DAZL: variants seen among roughly 807,000 people sequenced by gnomAD.
DAZL encodes the protein deleted in azoospermia like, also known as deleted in azoospermia-like.
Under a neutral mutation model 45.0 loss-of-function variants are expected in DAZL, and 4 were observed. That is an observed-to-expected ratio of 0.09 (90% CI 0.04 to 0.20). The LOEUF (loss-of-function observed/expected upper bound fraction) is 0.20, where lower values mean the gene tolerates loss of function less well. Ranked by LOEUF, DAZL falls within the 10% of genes least tolerant of loss-of-function variation. The pLI, the probability that DAZL is intolerant of heterozygous loss-of-function variation, is 1.00. For synonymous variants in DAZL, 122 were observed against 112.4 expected (o/e 1.09, Z -0.54); for missense variants, 326 against 351.3 (o/e 0.93, Z 0.58).
intron 7 of DAZL, 62 bp downstream of exon 7, chr3:16,595,252 T>A: frequency 1.1e-6 from 1 of 940,768 alleles, no homozygotes; most frequent in Non-Finnish European, 1.6e-6. Context: ...ACAATTTGTA[T>A]AAACAAGTTA....
chr3:16,600,690 C>G (rs1694677403), intron 1 of DAZL, among the ~76,000 whole-genome samples: 1 of 152,146 alleles, frequency 6.6e-6, no homozygotes, highest in African/African-American at 2.4e-5. Context: ...GTAGTTTTTT[C>G]TCCTTTTCAA....
chr3:16,593,832 T>A, intron 8 of DAZL, 64 bp from the exon 9 acceptor site: 1 of 1,064,294 alleles, frequency 9.4e-7, no homozygotes, highest in Non-Finnish European at 1.4e-6. Context: ...AGCCACTTAT[T>A]CTTCAAAAAG....
At chr3:16,605,121 C>G in intron 1 of DAZL, 82 bp downstream of exon 1, 3 of 1,575,354 alleles carry the variant, frequency 1.9e-6, no homozygotes, top group Non-Finnish European at 2.6e-6. Flanking sequence ...GATGACTTCA[C>G]TTTCCGACCC....
chr3:16,590,453 T>C (rs946673294), intron 10 of DAZL, among the ~76,000 whole-genome samples: 3 of 152,212 alleles, frequency 2.0e-5, no homozygotes, highest in Non-Finnish European at 2.9e-5. Flanking sequence ...TCCTTTTGAA[T>C]GTAAAGTGTG....
Position 16,596,839 on chromosome 3 carries a change from G to A in DAZL, c.409C>T (p.Pro137Ser), listed in dbSNP as rs939185441. Residue 137 changes from proline (P) to serine (S), a missense_variant, in exon 6 of 11, where the codon CCA becomes TCA. By Grantham distance (74) the Pro-to-Ser change is moderately conservative. Around this residue, in one of 3 missense-constraint regions of DAZL, gnomAD observed 227 missense variants for 216.6 expected, o/e 1.05. Coordinates refer to ENST00000399444, the MANE Select transcript of DAZL (RefSeq NM_001351.4). ...RPLVFNHPPPPQFQNVWTNPN... is the reference protein window; with the variant it reads ...RPLVFNHPPPSQFQNVWTNPN... ...TTAGTCCAGACATTCTGAAACTGTG[G>A]TGGAGGAGGATGATTAAAAACCAAA... 6.2e-7 allele frequency: 1 copy of A among 1,613,880 alleles called. No homozygotes were observed. Among genetic ancestry groups the A allele is most frequent in the Admixed American group, 1.7e-5 (1 of 60,020 alleles).
Position 16,598,105 on chromosome 3 carries a change from C to A in DAZL, c.224G>T (p.Arg75Leu). ...SVKEVKIITD[R>L]TGVSKGYGFV... Reference sequence around the variant, plus strand: ...TACTCACCCTTTGGACACACCAGTTCGATCAGTGATTATCTTCACTTCTTT... The same window carrying A: ...TACTCACCCTTTGGACACACCAGTTAGATCAGTGATTATCTTCACTTCTTT... The change falls in exon 3 of 11, where the codon CGA becomes CTA. Residue 75 changes from arginine to leucine, a missense_variant. By Grantham distance (102) the Arg-to-Leu change is moderately radical (BLOSUM62 -2). Around this residue, in one of 3 missense-constraint regions of DAZL, gnomAD observed 81 missense variants for 89.6 expected, o/e 0.90. Coordinates refer to ENST00000399444, the MANE Select transcript of DAZL (RefSeq NM_001351.4). 6.3e-7 allele frequency: 1 copy of A among 1,595,652 alleles called. No individual in the cohort carries two copies. The highest frequency in any genetic ancestry group is 1.1e-5 in the South Asian group (1 of 90,850).
intron 9 of DAZL, among the ~76,000 whole-genome samples, chr3:16,593,407 A>C (rs942250869): frequency 1.3e-5 from 2 of 152,208 alleles, no homozygotes; most frequent in African/African-American, 4.8e-5. Context: ...TCCTGAGCTC[A>C]AGCAATCCAC....
chr3:16,597,180 A>C, intron 4 of DAZL, 129 bp from the exon 5 acceptor site: 1 of 1,175,710 alleles, frequency 8.5e-7, no homozygotes, highest in Non-Finnish European at 1.2e-6. Flanking sequence ...ACACCAAATT[A>C]AAATTTGTCA....
chr3:16,597,955 AC>A, intron 3 of DAZL, 131 bp downstream of exon 3: 1 of 984,888 alleles, frequency 1.0e-6, no homozygotes, highest in Non-Finnish European at 1.5e-6. Flanking sequence ...CTGGCAATAA[AC>A]TTTTATCCTC....
intron 1 of DAZL, chr3:16,604,392 C>T: frequency 1.4e-6 from 2 of 1,458,994 alleles, no homozygotes; most frequent in South Asian, 1.2e-5. Flanking sequence ...AAACCGTACC[C>T]AGAATTTAAA....
In DAZL at chr3:16,599,342, A is replaced by T. The variant is rs923454267; in HGVS notation, c.4-744T>A. Among the ~76,000 whole-genome samples the T allele has an allele frequency of 2.0e-5, 3 of 152,238 alleles. 1 individual carries two copies. The highest frequency in any genetic ancestry group is 4.4e-5 in the Non-Finnish European group (3 of 68,044). ...AACTCCAAAAAGCCACATCAAAAAG[A>T]AAATAAGCCTCAAAGTTTTAAACCA... On this transcript the variant is annotated intron_variant, in intron 1 of 10. Transcript: ENST00000399444.
At chr3:16,593,909 T>C (rs1406181498) in intron 8 of DAZL, 141 bp from the exon 9 acceptor site, 1 of 592,118 alleles carries the variant, frequency 1.7e-6, no homozygotes, top group African/African-American at 1.9e-5. Context: ...TCAAAAACTT[T>C]GTTTTAAATG....
Position 16,587,633 on chromosome 3 carries a change from T to C in DAZL, c.*1027A>G, listed in dbSNP as rs182358825. ...TTTTAACTCTAGCACATTCTTAAGA[T>C]ATACTTATTAAACAACTTTTGTGGT... is the stretch of plus-strand genomic sequence containing the variant. On this transcript the variant is annotated 3_prime_UTR_variant, in exon 11 of 11. Transcript: ENST00000399444. 112 of 152,814 alleles carry C rather than the reference T, an allele frequency of 7.3e-4. 1 individual carries two copies. The highest frequency in any genetic ancestry group is 1.2e-3 in the Admixed American group (18 of 15,288). The allele number at this position is 152,814 out of a possible 1,614,324, so 9.5% of individuals were successfully genotyped here. A position where few individuals can be genotyped will look rare whatever the true frequency, so the allele number is the denominator to read the frequency against.
In DAZL at chr3:16,590,666, A is replaced by T. The variant is rs1416531233; in HGVS notation, c.834+1384T>A. 9.2e-5 allele frequency among the ~76,000 whole-genome samples: 14 copies of T among 152,374 alleles called. No individual in the cohort carries two copies. The South Asian group carries it at 1.4e-3, about 16-fold the overall frequency. ...ACAGATGAATGGATAAACAGAATGA[A>T]TAATAGCCACAAATAAAAAGAAATG... On this transcript the variant is annotated intron_variant, in intron 10 of 10. Coordinates refer to ENST00000399444, the MANE Select transcript of DAZL (RefSeq NM_001351.4).
Position 16,605,375 on chromosome 3 carries a change from T to A in DAZL, c.-170A>T. 2 of 808,136 alleles carry A rather than the reference T, an allele frequency of 2.5e-6. No homozygotes were observed. The highest frequency in any genetic ancestry group is 4.2e-6 in the Non-Finnish European group (2 of 475,650). 50.1% of individuals were successfully genotyped at this position (808,136 alleles called of 1,614,324 possible). ...GAAAACCAAGAGCGGGTGACAAGGCTGAGGAGCCCCGAAAGGCGGACCGTC... is the reference window on the plus strand; with the variant it reads ...GAAAACCAAGAGCGGGTGACAAGGCAGAGGAGCCCCGAAAGGCGGACCGTC... On this transcript the variant is annotated 5_prime_UTR_variant, in exon 1 of 11. Coordinates refer to ENST00000399444, the MANE Select transcript of DAZL (RefSeq NM_001351.4).
intron 1 of DAZL, among the ~76,000 whole-genome samples, chr3:16,600,201 G>T (rs1045669979): frequency 2.8e-4 from 42 of 151,856 alleles, no homozygotes; most frequent in African/African-American, 9.9e-4. Flanking sequence ...CTGTCTGAAA[G>T]AAAACAAGAC....
At position 16,588,258 on chromosome 3, in the gene DAZL, T is replaced by G. The variant is rs1469616369; in HGVS notation, c.*402A>C. Reference sequence around the variant, plus strand: ...ATGCAAAGCTCAATACTGTAAATACTGTACTGTTCACAGGTACTTGTTGGA... The same window carrying G: ...ATGCAAAGCTCAATACTGTAAATACGGTACTGTTCACAGGTACTTGTTGGA... On this transcript the variant is annotated 3_prime_UTR_variant, in exon 11 of 11. Transcript: ENST00000399444. The G allele has an allele frequency of 8.3e-6, 2 of 242,358 alleles. No homozygotes were observed. Among genetic ancestry groups the G allele is most frequent in the African/African-American group, 4.5e-5 (2 of 44,014 alleles). 15.0% of individuals were successfully genotyped at this position (242,358 alleles called of 1,614,324 possible).
intron 1 of DAZL, among the ~76,000 whole-genome samples, chr3:16,600,883 A>T (rs1694679912): frequency 6.6e-6 from 1 of 152,182 alleles, no homozygotes; most frequent in African/African-American, 2.4e-5. Flanking sequence ...ACTGGGGAAG[A>T]TTTTTGAGCC....
chr3:16,602,605 C>G (rs996958064), intron 1 of DAZL, among the ~76,000 whole-genome samples: 2 of 152,170 alleles, frequency 1.3e-5, no homozygotes, highest in Admixed American at 1.3e-4. Flanking sequence ...CATCCCTGCC[C>G]TCAACACAAA....
Sources: allele counts gnomAD v4.1 joint callset (sites outside exome capture counted in the v4.1 genomes callset), GRCh38; gene constraint gnomAD v4.1.1; regional missense constraint gnomAD v4.1.1; transcripts MANE v1.5; gene names NCBI Gene and HGNC (gene_info 2026-07-23, HGNC 2026-07-21).